Variants in TMEM132B observed in about 807,000 individuals in gnomAD.
TMEM132B encodes transmembrane protein 132B.
Under a neutral mutation model 90.8 loss-of-function variants are expected in TMEM132B, and 18 were observed. The observed-to-expected ratio is 0.20, with a 90% CI of 0.14 to 0.29. The LOEUF (loss-of-function observed/expected upper bound fraction) is 0.29. TMEM132B is among the 10% of genes least tolerant of loss of function. The probability of loss-of-function intolerance (pLI) is 1.00; values close to 1 mark genes in which losing one functional copy is unlikely to be tolerated. For missense variants in TMEM132B, 1,096 were observed against 1,326.8 expected (o/e 0.83, Z 2.70); for synonymous variants, 504 against 523.3 (o/e 0.96, Z 0.50).
chr12:125,457,397 G>A (rs1470724329), intron 3 of TMEM132B, among the ~76,000 whole-genome samples: 1 of 152,182 alleles, frequency 6.6e-6, no homozygotes, highest in Non-Finnish European at 1.5e-5. Context: ...AGTTGGAATT[G>A]GGATCTGCAT....
At chr12:125,448,533 A>G (rs528034588) in intron 3 of TMEM132B, among the ~76,000 whole-genome samples, 1 of 152,360 alleles carries the variant, frequency 6.6e-6, no homozygotes, top group Non-Finnish European at 1.5e-5. Flanking sequence ...TGTGTATATC[A>G]GTATTCAACT....
At chr12:125,597,855 T>C (rs1048198244) in intron 5 of TMEM132B, among the ~76,000 whole-genome samples, 1 of 152,214 alleles carries the variant, frequency 6.6e-6, no homozygotes, top group African/African-American at 2.4e-5. Context: ...TCCAAGGTCA[T>C]GCAGGTATGA....
intron 3 of TMEM132B, among the ~76,000 whole-genome samples, chr12:125,430,274 C>T (rs1405093181): frequency 1.3e-5 from 2 of 152,168 alleles, no homozygotes; most frequent in African/African-American, 4.8e-5. Context: ...AGCGCACTGG[C>T]CGGGGCTGTC....
intron 1 of TMEM132B, among the ~76,000 whole-genome samples, chr12:125,270,812 G>A (rs1874820075): frequency 6.6e-6 from 1 of 152,114 alleles, no homozygotes; most frequent in East Asian, 1.9e-4. Context: ...AGGTGCAGTA[G>A]AGGTACTTGG....
chr12:125,417,789 A>G (rs1880057717), intron 3 of TMEM132B, among the ~76,000 whole-genome samples: 1 of 152,162 alleles, frequency 6.6e-6, no homozygotes, highest in Non-Finnish European at 1.5e-5. Flanking sequence ...TCAGGGAGAA[A>G]GCTGCTGTCC....
At chr12:125,582,097 GT>G (rs1186056734) in intron 4 of TMEM132B, among the ~76,000 whole-genome samples, 1 of 151,920 alleles carries the variant, frequency 6.6e-6, no homozygotes, top group East Asian at 1.9e-4. Context: ...GATGTTTTCT[GT>G]TAACAAGTAG....
At chr12:125,597,132 C>A (rs1463684701) in intron 5 of TMEM132B, among the ~76,000 whole-genome samples, 1 of 152,170 alleles carries the variant, frequency 6.6e-6, no homozygotes, top group Non-Finnish European at 1.5e-5. Context: ...AAGAAGACAG[C>A]ATATTTAAAA....
rs553901030 is a variant in TMEM132B, at chr12:125,210,286, C to T, written c.67+23420C>T. ...AAGGGGCAAATTGCAGGGCTATCTG[C>T]GGGAAGGAGCGAGTGCAAAGGTCCT... On this transcript the variant is annotated intron_variant, in intron 1 of 8. Transcript: ENST00000682704. Among the ~76,000 whole-genome samples, 11 of 152,124 alleles carry T rather than the reference C, an allele frequency of 7.2e-5. 1 individual carries two copies. The East Asian group carries it at 1.2e-3, about 16-fold the overall frequency.
rs911492774 is a variant in TMEM132B, at chr12:125,408,450, G to A, written c.960-7081G>A. On this transcript the variant is annotated intron_variant, in intron 2 of 8. Coordinates refer to ENST00000682704, the MANE Select transcript of TMEM132B (RefSeq NM_001366854.1). This position sits in a 1 kb window ranked among gnomAD's most constrained non-coding sequence, Gnocchi z 5.9. The stretch of plus-strand genomic sequence containing the variant: ...TGCTCTGTCACCCCTTCCACCATGC[G>A]AGGACACAGCATGACAGCCGCATCT... Among the ~76,000 whole-genome samples the A allele has an allele frequency of 6.6e-6, 1 of 152,230 alleles. No individual in the cohort carries two copies. Among genetic ancestry groups the A allele is most frequent in the Admixed American group, 6.5e-5 (1 of 15,296 alleles).
intron 2 of TMEM132B, among the ~76,000 whole-genome samples, chr12:125,381,646 G>A (rs959832710): frequency 1.1e-4 from 16 of 152,170 alleles, no homozygotes; most frequent in Non-Finnish European, 2.4e-4. Flanking sequence ...GGGCAGCAGA[G>A]CAGTGCTTCA....
chr12:125,215,265 A>G (rs1305601028), intron 1 of TMEM132B, among the ~76,000 whole-genome samples: 1 of 152,232 alleles, frequency 6.6e-6, no homozygotes. Context: ...AGGGGCTTCA[A>G]ATGACACAAA....
At chr12:125,219,519 A>ATCCC (rs1873513148) in intron 1 of TMEM132B, among the ~76,000 whole-genome samples, 1 of 152,084 alleles carries the variant, frequency 6.6e-6, no homozygotes, top group Non-Finnish European at 1.5e-5. Context: ...GGCTGCCTGG[A>ATCCC]TCCCCAGAGC....
At chr12:125,450,385 T>A (rs1406246661) in intron 3 of TMEM132B, among the ~76,000 whole-genome samples, 1 of 152,180 alleles carries the variant, frequency 6.6e-6, no homozygotes, top group East Asian at 1.9e-4. Flanking sequence ...ACTGGTTAAA[T>A]ATGGAAGAAT....
intron 4 of TMEM132B, among the ~76,000 whole-genome samples, chr12:125,531,822 G>A (rs906343410): frequency 6.6e-6 from 1 of 152,250 alleles, no homozygotes; most frequent in Admixed American, 6.5e-5. Flanking sequence ...ATGGCCACAA[G>A]TAACCGTCTT....
intron 4 of TMEM132B, among the ~76,000 whole-genome samples, chr12:125,580,934 A>G (rs1381083775): frequency 6.6e-6 from 1 of 152,216 alleles, no homozygotes; most frequent in African/African-American, 2.4e-5. Context: ...GACGATTTCA[A>G]TGTAATATTT....
intron 3 of TMEM132B, among the ~76,000 whole-genome samples, chr12:125,465,623 C>T (rs7135568): frequency 0.096 from 14,642 of 152,176 alleles, 723 homozygotes; most frequent in Non-Finnish European, 0.12. Context: ...GGGTGTGCCC[C>T]CTGGACGGAC....
intron 3 of TMEM132B, among the ~76,000 whole-genome samples, chr12:125,495,553 T>G (rs1008758278): frequency 2.6e-5 from 4 of 152,218 alleles, no homozygotes; most frequent in Non-Finnish European, 5.9e-5. Flanking sequence ...TTCATTGACA[T>G]CCCTTATTAT....
chr12:125,478,004 C>G (rs934401150), intron 3 of TMEM132B, among the ~76,000 whole-genome samples: 13 of 152,216 alleles, frequency 8.5e-5, no homozygotes, highest in Non-Finnish European at 1.8e-4. Flanking sequence ...CAAACTCCAA[C>G]AGACCTGCAG....
intron 1 of TMEM132B, among the ~76,000 whole-genome samples, chr12:125,196,264 G>A (rs68005935): frequency 0.38 from 58,282 of 152,018 alleles, 11,428 homozygotes; most frequent in African/African-American, 0.39. Flanking sequence ...CTTGGAATTG[G>A]GACCAAATCA....
Sources: allele counts gnomAD v4.1 joint callset (sites outside exome capture counted in the v4.1 genomes callset), GRCh38; gene constraint gnomAD v4.1.1; non-coding constraint Gnocchi (gnomAD v3.1); transcripts MANE v1.5; gene names NCBI Gene and HGNC (gene_info 2026-07-23, HGNC 2026-07-21).